Variants in NT5DC1 observed in about 807,000 individuals in gnomAD.
The protein encoded by NT5DC1 is 5'-nucleotidase domain-containing protein 1.
In NT5DC1, 42 loss-of-function variants were observed where a neutral mutation model predicts 59.4. The ratio of observed to expected loss-of-function variants is 0.71; its 90% CI spans 0.55 to 0.92. The LOEUF is 0.92. NT5DC1 is among the 40% of genes least tolerant of loss of function. The pLI, the probability that NT5DC1 is intolerant of heterozygous loss-of-function variation, is 0.00. For missense variants in NT5DC1, 501 were observed against 537.1 expected, an observed-to-expected ratio of 0.93 and a Z score of 0.66; for synonymous variants, 172 against 188.1, an observed-to-expected ratio of 0.91 and a Z score of 0.70.
intron 6 of NT5DC1, among the ~76,000 whole-genome samples, chr6:116,191,075 C>G (rs1037795762): frequency 6.6e-6 from 1 of 151,920 alleles, no homozygotes; most frequent in African/African-American, 2.4e-5. Context: ...AGCCAACACC[C>G]GAGTCTCTGA....
At chr6:116,229,341 A>C (rs1781965010) in intron 8 of NT5DC1, among the ~76,000 whole-genome samples, 1 of 152,198 alleles carries the variant, frequency 6.6e-6, no homozygotes, top group African/African-American at 2.4e-5. Context: ...TCATTGCTCC[A>C]AATGGTTAAA....
Position 116,144,525 on chromosome 6 carries a change from G to A in NT5DC1, c.529+26580G>A, listed in dbSNP as rs532049582. On this transcript the variant is annotated intron_variant, in intron 6 of 11. Transcript: ENST00000319550. Reference sequence around the variant, plus strand: ...AAAAAAAAAAAAAAGTGTAAAAGGAGAACACCAACTTTCATGAGTTTCTCC... The same window carrying A: ...AAAAAAAAAAAAAAGTGTAAAAGGAAAACACCAACTTTCATGAGTTTCTCC... 1.2e-4 allele frequency among the ~76,000 whole-genome samples: 19 copies of A among 152,034 alleles called. No homozygotes were observed. In the East Asian group the frequency reaches 3.1e-3, roughly 25 times the overall value.
At chr6:116,231,470 A>G (rs545026879) in intron 8 of NT5DC1, among the ~76,000 whole-genome samples, 5 of 152,350 alleles carry the variant, frequency 3.3e-5, no homozygotes, top group Admixed American at 1.3e-4. Flanking sequence ...GTAACCTCTA[A>G]CAAGTCAGAG....
rs546134846 is a variant in NT5DC1, at chr6:116,167,503, T to C, written c.529+49558T>C. Among the ~76,000 whole-genome samples the C allele has an allele frequency of 1.3e-4, 20 of 152,298 alleles. No individual in the cohort carries two copies. In the East Asian group the frequency reaches 3.7e-3, roughly 28 times the overall value. On this transcript the variant is annotated intron_variant, in intron 6 of 11. Coordinates refer to ENST00000319550, the MANE Select transcript of NT5DC1 (RefSeq NM_152729.3). ...CTAGGATTACAGGTGTGAGCCACCG[T>C]GCCCAGCCCACATAGAACTTTCTAA...
At chr6:116,158,301 C>T (rs1381984144) in intron 6 of NT5DC1, among the ~76,000 whole-genome samples, 2 of 151,664 alleles carry the variant, frequency 1.3e-5, no homozygotes, top group South Asian at 2.1e-4. Context: ...TCTTGTTAGT[C>T]CTGTGCATCT....
chr6:116,231,396 T>C (rs1338996680), intron 8 of NT5DC1, among the ~76,000 whole-genome samples: 1 of 152,168 alleles, frequency 6.6e-6, no homozygotes, highest in Non-Finnish European at 1.5e-5. Context: ...AATTTACATA[T>C]ATACAGAAAG....
At chr6:116,222,836 G>A (rs1211993668) in intron 7 of NT5DC1, among the ~76,000 whole-genome samples, 198 bp from the exon 8 acceptor site, 1 of 152,108 alleles carries the variant, frequency 6.6e-6, no homozygotes, top group Admixed American at 6.6e-5. Context: ...GAGTTGTCAG[G>A]AAGACTAGTA....
chr6:116,110,818 A>T, intron 3 of NT5DC1, 32 bp from the exon 4 acceptor site: 1 of 1,447,110 alleles, frequency 6.9e-7, no homozygotes, highest in African/African-American at 1.4e-5. Flanking sequence ...AGGAACCATT[A>T]ATGAGCAATG....
chr6:116,164,225 A>G (rs1256160174), intron 6 of NT5DC1, among the ~76,000 whole-genome samples: 2 of 151,504 alleles, frequency 1.3e-5, no homozygotes, highest in African/African-American at 4.9e-5. Context: ...TTTTTATTTT[A>G]TTTTCTTAGG....
intron 1 of NT5DC1, among the ~76,000 whole-genome samples, chr6:116,102,080 C>T (rs1188176951): frequency 1.3e-5 from 2 of 152,200 alleles, no homozygotes; most frequent in Admixed American, 6.5e-5. Context: ...ATGTATAATG[C>T]TTAGAATAGT....
intron 8 of NT5DC1, among the ~76,000 whole-genome samples, chr6:116,229,866 C>A (rs561678128): frequency 6.6e-6 from 1 of 152,282 alleles, no homozygotes; most frequent in East Asian, 1.9e-4. Flanking sequence ...AAATCTTTCC[C>A]TGAGACCTGT....
At chr6:116,123,841 G>A (rs1268287279) in intron 6 of NT5DC1, among the ~76,000 whole-genome samples, 1 of 152,208 alleles carries the variant, frequency 6.6e-6, no homozygotes, top group African/African-American at 2.4e-5. Flanking sequence ...TGTATATTAA[G>A]AGAAGATCAA....
chr6:116,247,917 CT>C lies in NT5DC1; in HGVS notation c.*3896del, dbSNP rs1771880575. Reference sequence around the variant, plus strand: ...TTTTGGTACATTAAATATTCAGTGCCTTTGATGAAGGGAACAAACTGATAAT... The same window carrying C: ...TTTTGGTACATTAAATATTCAGTGCCTTGATGAAGGGAACAAACTGATAAT... On this transcript the variant is annotated 3_prime_UTR_variant, in exon 12 of 12. Transcript: ENST00000319550. 6.6e-6 allele frequency: 1 copy of C among 152,160 alleles called. No homozygotes were observed. The highest frequency in any genetic ancestry group is 1.9e-4 in the East Asian group (1 of 5,200). 9.4% of individuals were successfully genotyped at this position (152,160 alleles called of 1,614,324 possible). A position where few individuals can be genotyped will look rare whatever the true frequency, so the allele number is the denominator to read the frequency against.
chr6:116,215,663 C>T (rs976817609), intron 6 of NT5DC1, among the ~76,000 whole-genome samples: 3 of 152,076 alleles, frequency 2.0e-5, no homozygotes, highest in East Asian at 1.9e-4. Flanking sequence ...GTAACCATGT[C>T]GGAAAGAGGA....
intron 6 of NT5DC1, among the ~76,000 whole-genome samples, chr6:116,135,963 T>C (rs778769268): frequency 1.3e-5 from 2 of 151,118 alleles, no homozygotes; most frequent in African/African-American, 2.4e-5. Context: ...ATACCTACTC[T>C]TTTAGCGTAT....
chr6:116,229,970 C>G (rs73773826), intron 8 of NT5DC1, among the ~76,000 whole-genome samples: 1,758 of 152,294 alleles, frequency 0.012, 34 homozygotes, highest in African/African-American at 0.04. Context: ...CGCCTAGAAA[C>G]CAAAAACAAC....
chr6:116,173,730 A>G (rs183615700), intron 6 of NT5DC1, among the ~76,000 whole-genome samples: 36 of 152,272 alleles, frequency 2.4e-4, no homozygotes, highest in Non-Finnish European at 1.3e-4. Context: ...CCCTAAATGT[A>G]TAGAAAAATG....
chr6:116,211,009 T>A (rs927656481), intron 6 of NT5DC1, among the ~76,000 whole-genome samples: 15 of 152,030 alleles, frequency 9.9e-5, no homozygotes, highest in African/African-American at 3.6e-4. Context: ...ATCAGTAAAA[T>A]TCAGCAGAAG....
chr6:116,210,979 A>C (rs1781565416), intron 6 of NT5DC1, among the ~76,000 whole-genome samples: 1 of 152,030 alleles, frequency 6.6e-6, no homozygotes, highest in Non-Finnish European at 1.5e-5. Context: ...TTCTCCTTGA[A>C]AATGAGCTGG....
Sources: gnomAD v4.1 joint callset for allele counts (sites outside exome capture counted in the v4.1 genomes callset) on GRCh38, gnomAD v4.1.1 for gene constraint, MANE v1.5 for transcripts, NCBI Gene and HGNC (gene_info 2026-07-23, HGNC 2026-07-21) for gene names.